The following ARHGAP30 variants were observed in gnomAD, a reference collection of about 807,000 sequenced individuals.
ARHGAP30 encodes the protein rho GTPase-activating protein 30.
A neutral mutation model predicts 72.0 loss-of-function variants in ARHGAP30; 23 were observed. The observed-to-expected ratio is 0.32, with a 90% confidence interval of 0.23 to 0.45. The LOEUF (loss-of-function observed/expected upper bound fraction) is 0.45, where lower values mean the gene tolerates loss of function less well. Among genes scored for constraint, ARHGAP30 ranks in the 20% least tolerant of loss-of-function variants. The probability of loss-of-function intolerance (pLI) is 1.00; values close to 1 mark genes in which losing one functional copy is unlikely to be tolerated. For missense variants in ARHGAP30, 1,319 were observed against 1,383.4 expected (o/e 0.95, Z 0.74); for synonymous variants, 576 against 528.2 (o/e 1.09, Z -1.24).
chr1:161,050,798 A>C (rs1004767323), intron 10 of ARHGAP30, among the ~76,000 whole-genome samples: 1 of 149,776 alleles, frequency 6.7e-6, no homozygotes, highest in Non-Finnish European at 1.5e-5. Context: ...CTGCCACCAC[A>C]CCTGGCCAGT....
Position 161,069,839 on chromosome 1 carries a change from C to T in ARHGAP30, c.-215G>A. 1.7e-6 allele frequency: 1 copy of T among 583,750 alleles called. No homozygotes were observed. Among genetic ancestry groups the T allele is most frequent in the East Asian group, 2.8e-5 (1 of 35,338 alleles). 36.2% of individuals were successfully genotyped at this position (583,750 alleles called of 1,614,324 possible). A position where few individuals can be genotyped will look rare whatever the true frequency, so the allele number is the denominator to read the frequency against. On this transcript the variant is annotated 5_prime_UTR_variant, in exon 1 of 12. Transcript: ENST00000368013. The surrounding 1 kb of genome is among the most constrained non-coding windows in gnomAD (Gnocchi z 4.9). ...AAGTGGCTGTTGAAGAGGAAGCTAC[C>T]AGGACCCTGGCAAGAAATTGTGTCC... is the stretch of plus-strand genomic sequence containing the variant.
chr1:161,053,508 A>ATCTCTCTCTCTC (rs1553217392), intron 5 of ARHGAP30, 123 bp from the exon 6 acceptor site: 113 of 720,014 alleles, frequency 1.6e-4, no homozygotes, highest in African/African-American at 2.4e-4. Flanking sequence ...CTCTCTCTCG[A>ATCTCTCTCTCTC]ATGACCTTAA....
rs774930122 is a variant in ARHGAP30, at chr1:161,047,950, C to T, written c.3071G>A (p.Gly1024Asp). The T allele has an allele frequency of 2.5e-6, 4 of 1,613,956 alleles. No individual in the cohort carries two copies. In the South Asian group the frequency reaches 4.4e-5, roughly 18 times the overall value. Residue 1024 changes from glycine (G) to aspartate (D), a missense_variant, in exon 12 of 12, where the codon GGT (glycine) becomes GAT (aspartate). Around this residue, in one of 2 missense-constraint regions of ARHGAP30, gnomAD observed 1,097 missense variants for 1,045.2 expected, o/e 1.05. Transcript: ENST00000368013. ...TCTGGGGATGAGGCAGTAATCCCCA[C>T]CCTCAGTACAGGTCTGGGTTCGCCG... is the stretch of plus-strand genomic sequence containing the variant. ...GVRRTQTCTE[G>D]GDYCLIPRTS...
Position 161,051,719 on chromosome 1 carries a change from T to A in ARHGAP30, c.1019-4A>T. ...GGCCCCACCAGCCCCTCTGGCTCTG[T>A]GGAGGAAAAAGAGGGCCAGGTAGGC... On this transcript the variant is annotated splice_polypyrimidine_tract_variant and splice_region_variant and intron_variant, in intron 9 of 11. Transcript: ENST00000368013. 1 of 1,598,230 alleles carries A rather than the reference T, an allele frequency of 6.3e-7. No individual in the cohort carries two copies.
chr1:161,052,573 G>T, intron 7 of ARHGAP30, 30 bp from the exon 8 acceptor site: 1 of 1,614,046 alleles, frequency 6.2e-7, no homozygotes, highest in South Asian at 1.1e-5. Flanking sequence ...ATAATTGGAG[G>T]TTGGAACATG....
At chr1:161,064,939 G>A (rs1012130977) in intron 1 of ARHGAP30, among the ~76,000 whole-genome samples, 3 of 151,486 alleles carry the variant, frequency 2.0e-5, no homozygotes, top group Admixed American at 6.6e-5. Flanking sequence ...GGAAGGGAAG[G>A]GAAGGGAAGA....
intron 3 of ARHGAP30, among the ~76,000 whole-genome samples, chr1:161,055,527 T>C (rs1651756744): frequency 6.6e-6 from 1 of 152,002 alleles, no homozygotes; most frequent in South Asian, 2.1e-4. Context: ...CAGGGGCTCA[T>C]GCCTGTAATT....
intron 3 of ARHGAP30, among the ~76,000 whole-genome samples, chr1:161,055,974 C>T (rs1651852119): frequency 6.7e-6 from 1 of 150,366 alleles, no homozygotes; most frequent in East Asian, 1.9e-4. Context: ...ATGTTCAACG[C>T]ATAATTAGAG....
intron 9 of ARHGAP30, 86 bp from the exon 10 acceptor site, chr1:161,051,801 C>G (rs1651395432): frequency 1.4e-6 from 2 of 1,447,506 alleles, no homozygotes; most frequent in Non-Finnish European, 1.8e-6. Context: ...AGAATGCTCT[C>G]TGCTTTCTCA....
chr1:161,064,308 C>T (rs1571119383), intron 1 of ARHGAP30, among the ~76,000 whole-genome samples: 1 of 152,214 alleles, frequency 6.6e-6, no homozygotes, highest in African/African-American at 2.4e-5. Context: ...ACATGATTAT[C>T]GGGGCAGTTC....
chr1:161,050,365 C>G (rs577087557), intron 10 of ARHGAP30, among the ~76,000 whole-genome samples: 19 of 139,754 alleles, frequency 1.4e-4, no homozygotes, highest in African/African-American at 3.4e-4. Flanking sequence ...GTGGCGCAAT[C>G]TCAGCTCACT....
chr1:161,057,213 G>A (rs1651940199), intron 2 of ARHGAP30, among the ~76,000 whole-genome samples: 1 of 150,440 alleles, frequency 6.6e-6, no homozygotes, highest in Non-Finnish European at 1.5e-5. Flanking sequence ...GGCATGCAGT[G>A]GCACGATCTC....
rs887867284 is a variant in ARHGAP30 at position 161,054,484 on chromosome 1, CG to C, written c.429-12del. 2.4e-5 allele frequency: 39 copies of C among 1,612,828 alleles called. No homozygotes were observed. Among genetic ancestry groups the C allele is most frequent in the South Asian group, 3.3e-5 (3 of 91,020 alleles). On this transcript the variant is annotated splice_polypyrimidine_tract_variant and intron_variant, in intron 4 of 11. Transcript: ENST00000368013. ...AGGAACTCCAGGGTCCTGCAGAAAG[CG>C]GGGGCAGGGATCACACAGGGAATGC...
intron 2 of ARHGAP30, among the ~76,000 whole-genome samples, chr1:161,058,273 C>T (rs2102054281): frequency 6.6e-6 from 1 of 151,462 alleles, no homozygotes; most frequent in South Asian, 2.1e-4. Context: ...GATCACGCCA[C>T]TGCACTACAG....
chr1:161,068,452 C>T (rs1282626889), intron 1 of ARHGAP30, among the ~76,000 whole-genome samples: 3 of 151,952 alleles, frequency 2.0e-5, no homozygotes, highest in Non-Finnish European at 2.9e-5. Context: ...GACGCAGGGG[C>T]GGGGCTAAGA....
rs376957932 is a variant in ARHGAP30 at position 161,060,805 on chromosome 1, G to A, written c.98-1089C>T. ...CAACCTCCGCCTCCCGGGTTCAAGC[G>A]AGTCTCCTGCCTCAGCCTCTCAAGT... On this transcript the variant is annotated intron_variant, in intron 1 of 11. Coordinates refer to ENST00000368013, the MANE Select transcript of ARHGAP30 (RefSeq NM_001025598.2). Among the ~76,000 whole-genome samples the A allele has an allele frequency of 2.6e-3, 381 of 147,864 alleles. 12 individuals carry two copies. The South Asian group carries it at 0.068, about 26-fold the overall frequency.
Position 161,054,673 on chromosome 1 carries a change from G to A in ARHGAP30, c.378C>T (p.Arg126=). Reference sequence around the variant, plus strand: ...GAAGCACCTCTAGGATCTTGACCAAGCGCTCAGGTTCCAATTGCACTCCTA... The same window carrying A: ...GAAGCACCTCTAGGATCTTGACCAAACGCTCAGGTTCCAATTGCACTCCTA... ...EAVGVQLEPE[R]LVKILEVLRE... is the part of the protein sequence containing the mutation. The change falls in exon 4 of 12, where the codon CGC becomes CGT. Residue 126 remains arginine (R), a synonymous_variant. Coordinates refer to ENST00000368013, the MANE Select transcript of ARHGAP30 (RefSeq NM_001025598.2). 2 of 1,614,006 alleles carry A rather than the reference G, an allele frequency of 1.2e-6. No homozygotes were observed. Among genetic ancestry groups the A allele is most frequent in the Non-Finnish European group, 1.7e-6 (2 of 1,180,008 alleles).
At chr1:161,062,981 A>T (rs1301380774) in intron 1 of ARHGAP30, among the ~76,000 whole-genome samples, 2 of 151,656 alleles carry the variant, frequency 1.3e-5, no homozygotes, top group African/African-American at 2.4e-5. Flanking sequence ...TGCCCAGCTA[A>T]TTTTGTATTT....
intron 3 of ARHGAP30, among the ~76,000 whole-genome samples, chr1:161,055,213 C>T (rs1382521214): frequency 6.6e-6 from 1 of 152,210 alleles, no homozygotes; most frequent in Non-Finnish European, 1.5e-5. Context: ...GATGTTCAGG[C>T]TGGGCACAGT....
Sources: gnomAD v4.1 joint callset for allele counts (sites outside exome capture counted in the v4.1 genomes callset) on GRCh38, gnomAD v4.1.1 for gene constraint, gnomAD v4.1.1 regional missense constraint, Gnocchi (gnomAD v3.1) non-coding constraint, MANE v1.5 for transcripts, NCBI Gene and HGNC (gene_info 2026-07-23, HGNC 2026-07-21) for gene names.